Variants in WDTC1 observed in about 807,000 individuals in gnomAD.
The protein encoded by WDTC1 is WD and tetratricopeptide repeats protein 1.
WDTC1 carries 12 observed loss-of-function variants against 76.0 expected under a neutral mutation model. The ratio of observed to expected loss-of-function variants is 0.16; its 90% CI spans 0.10 to 0.26. WDTC1 has a LOEUF of 0.26. WDTC1 is among the 10% of genes least tolerant of loss of function. The pLI, the probability that WDTC1 is intolerant of heterozygous loss-of-function variation, is 1.00. For synonymous variants in WDTC1, 326 were observed against 350.8 expected (o/e 0.93, Z 0.79); for missense variants, 511 against 908.8 (o/e 0.56, Z 5.63).
chr1:27,278,174 C>T (rs2013086202), intron 3 of WDTC1, among the ~76,000 whole-genome samples: 1 of 152,108 alleles, frequency 6.6e-6, no homozygotes. Context: ...TTTATTGCCA[C>T]CTGTTTTTAT....
chr1:27,288,534 T>C (rs1017864857), intron 6 of WDTC1, among the ~76,000 whole-genome samples: 19 of 151,712 alleles, frequency 1.3e-4, no homozygotes, highest in Non-Finnish European at 1.8e-4. Flanking sequence ...TACTTGAGAT[T>C]AGGGAGTGGT....
chr1:27,296,860 G>A (rs529283469), intron 10 of WDTC1, among the ~76,000 whole-genome samples, 188 bp from the exon 11 acceptor site: 5 of 134,318 alleles, frequency 3.7e-5, no homozygotes, highest in African/African-American at 1.1e-4. Flanking sequence ...TGTGTCCCTC[G>A]CCAGCCAGCA....
At chr1:27,267,296 G>A (rs922595165) in intron 3 of WDTC1, among the ~76,000 whole-genome samples, 5 of 149,910 alleles carry the variant, frequency 3.3e-5, no homozygotes, top group Admixed American at 6.7e-5. Context: ...CGCCTAGGCT[G>A]TGGTGCAGTG....
At position 27,306,307 on chromosome 1, in the gene WDTC1, G is replaced by T; in HGVS notation, c.1958G>T (p.Gly653Val). ...CTCAACATGGGCTACCGGATCACGG[G>T]CCTGAGCAGTGGGGGTGCCGGGGCC... Reference protein sequence around the residue: ...MLLNMGYRITGLSSGGAGASD... With the variant: ...MLLNMGYRITVLSSGGAGASD... Residue 653 changes from glycine (G) to valine (V), a missense_variant, in exon 16 of 16, where the codon GGC becomes GTC. By Grantham distance (109) the Gly-to-Val change is moderately radical. Transcript: ENST00000319394. This position sits in a 1 kb window ranked among gnomAD's most constrained non-coding sequence, Gnocchi z 5.0. The T allele has an allele frequency of 6.2e-7, 1 of 1,614,038 alleles. No individual in the cohort carries two copies. Among genetic ancestry groups the T allele is most frequent in the Non-Finnish European group, 8.5e-7 (1 of 1,179,996 alleles).
chr1:27,306,662 G>A lies in WDTC1; in HGVS notation c.*279G>A. 2.0e-6 allele frequency: 1 copy of A among 503,002 alleles called. No homozygotes were observed. The highest frequency in any genetic ancestry group is 3.3e-5 in the Admixed American group (1 of 29,862). 31.2% of individuals were successfully genotyped at this position (503,002 alleles called of 1,614,324 possible). A position where few individuals can be genotyped will look rare whatever the true frequency, so the allele number is the denominator to read the frequency against. ...CCCATCTCCTGCTTTCATGTCCCTG[G>A]AGGGCTCTGGCCTGCCTCAAAACCC... On this transcript the variant is annotated 3_prime_UTR_variant, in exon 16 of 16. Transcript: ENST00000319394. This position sits in a 1 kb window ranked among gnomAD's most constrained non-coding sequence, Gnocchi z 5.0.
intron 1 of WDTC1, among the ~76,000 whole-genome samples, chr1:27,256,764 G>A (rs2012292903): frequency 6.6e-6 from 1 of 152,206 alleles, no homozygotes; most frequent in Non-Finnish European, 1.5e-5. Flanking sequence ...CACCTGGCAT[G>A]TAGTAAAAGC....
At chr1:27,282,197 C>A in intron 3 of WDTC1, 42 bp from the exon 4 acceptor site, 1 of 1,603,426 alleles carries the variant, frequency 6.2e-7, no homozygotes, top group Non-Finnish European at 8.5e-7. Context: ...CCAGGAGAAC[C>A]CCTAACCAAC....
chr1:27,256,799 A>G (rs1366098376), intron 1 of WDTC1, among the ~76,000 whole-genome samples: 1 of 152,208 alleles, frequency 6.6e-6, no homozygotes, highest in African/African-American at 2.4e-5. Flanking sequence ...TGTTGAATGA[A>G]TGACTGTAAA....
chr1:27,236,089 CT>C (rs1234235457), intron 1 of WDTC1, among the ~76,000 whole-genome samples: 1 of 152,184 alleles, frequency 6.6e-6, no homozygotes, highest in Non-Finnish European at 1.5e-5. Flanking sequence ...TTTTCTGTGT[CT>C]TTTAGAGTCG....
Position 27,303,670 on chromosome 1 carries a change from G to C in WDTC1, c.1518G>C (p.Thr506=), listed in dbSNP as rs767370668. Residue 506 remains threonine, a synonymous_variant, in exon 14 of 16, where the codon ACG becomes ACC. Transcript: ENST00000319394. This position sits in a 1 kb window ranked among gnomAD's most constrained non-coding sequence, Gnocchi z 4.8. The part of the protein sequence containing the change: ...GGGAPVRLRS[T]SRKDSISEDE... ...GCGCCCCAGTCCGCCTCCGCAGCACGAGCCGCAAGGACTCCATCTCAGAGG... is the reference window on the plus strand; with the variant it reads ...GCGCCCCAGTCCGCCTCCGCAGCACCAGCCGCAAGGACTCCATCTCAGAGG... The C allele has an allele frequency of 6.2e-7, 1 of 1,611,714 alleles. No individual in the cohort carries two copies. The highest frequency in any genetic ancestry group is 8.5e-7 in the Non-Finnish European group (1 of 1,179,132).
intron 1 of WDTC1, among the ~76,000 whole-genome samples, chr1:27,249,810 CAA>C (rs1036311613): frequency 1.3e-5 from 2 of 152,152 alleles, no homozygotes; most frequent in Admixed American, 1.3e-4. Context: ...TTCTTGGCCT[CAA>C]GTGATTCTCC....
At chr1:27,294,753 T>C (rs2013638959) in intron 9 of WDTC1, 124 bp downstream of exon 9, 3 of 777,232 alleles carry the variant, frequency 3.9e-6, no homozygotes, top group Non-Finnish European at 6.3e-6. Flanking sequence ...TGATGTTACA[T>C]TGAAATGTGG....
chr1:27,287,940 C>T (rs984758326), intron 6 of WDTC1, 79 bp downstream of exon 6: 15 of 1,497,984 alleles, frequency 1.0e-5, no homozygotes, highest in Non-Finnish European at 1.3e-5. Flanking sequence ...ACAGACCTAG[C>T]TCTTTCCCTC....
chr1:27,243,707 C>T (rs1054052566), intron 1 of WDTC1, among the ~76,000 whole-genome samples: 2 of 152,088 alleles, frequency 1.3e-5, no homozygotes, highest in African/African-American at 4.8e-5. Context: ...CACTTGTAAA[C>T]TGTTAGAATG....
rs1398598009 is a variant in WDTC1 at position 27,303,503 on chromosome 1, G to A, written c.1469-118G>A. ...TTCCCCAGTTTTCCAGGATAAGGGT[G>A]GAGGCAGGTAGCTCTATGTTGTCAG... is the stretch of plus-strand genomic sequence containing the variant. On this transcript the variant is annotated intron_variant, in intron 13 of 15. Coordinates refer to ENST00000319394, the MANE Select transcript of WDTC1 (RefSeq NM_001276252.2). This position sits in a 1 kb window ranked among gnomAD's most constrained non-coding sequence, Gnocchi z 4.8. 2 of 1,261,838 alleles carry A rather than the reference G, an allele frequency of 1.6e-6. No individual in the cohort carries two copies. Among genetic ancestry groups the A allele is most frequent in the Non-Finnish European group, 2.1e-6 (2 of 940,906 alleles). 78.2% of individuals were successfully genotyped at this position (1,261,838 alleles called of 1,614,324 possible).
chr1:27,296,502 C>A, intron 10 of WDTC1, 101 bp downstream of exon 10: 1 of 1,269,910 alleles, frequency 7.9e-7, no homozygotes, highest in South Asian at 1.2e-5. Context: ...GACCGTGATC[C>A]TCCAAAAATA....
chr1:27,284,323 G>A (rs2013270780), intron 5 of WDTC1, among the ~76,000 whole-genome samples: 2 of 152,152 alleles, frequency 1.3e-5, no homozygotes, highest in Non-Finnish European at 2.9e-5. Context: ...GCAAGGAAGG[G>A]CCTTTCCAGC....
chr1:27,284,857 C>G (rs889970739), intron 5 of WDTC1, among the ~76,000 whole-genome samples: 2 of 152,028 alleles, frequency 1.3e-5, no homozygotes, highest in East Asian at 1.9e-4. Flanking sequence ...TGCGCTCCCC[C>G]TGGTGGTGAC....
chr1:27,278,379 G>A (rs2013090713), intron 3 of WDTC1, among the ~76,000 whole-genome samples: 2 of 152,158 alleles, frequency 1.3e-5, no homozygotes, highest in African/African-American at 4.8e-5. Context: ...ATGCTTTGAA[G>A]TACCAGAGGG....
Sources: allele counts gnomAD v4.1 joint callset (sites outside exome capture counted in the v4.1 genomes callset), GRCh38; gene constraint gnomAD v4.1.1; non-coding constraint Gnocchi (gnomAD v3.1); transcripts MANE v1.5; gene names NCBI Gene and HGNC (gene_info 2026-07-23, HGNC 2026-07-21).